Variants in MECOM observed in about 807,000 individuals in gnomAD.
The protein encoded by MECOM is histone-lysine N-methyltransferase MECOM.
A neutral mutation model predicts 116.3 loss-of-function variants in MECOM; 13 were observed. That is an observed-to-expected ratio of 0.11 (90% confidence interval 0.07 to 0.18). MECOM has a LOEUF of 0.18. Ranked by LOEUF, MECOM falls within the 10% of genes least tolerant of loss-of-function variation. MECOM has a pLI of 1.00. For synonymous variants in MECOM, 528 were observed against 535.2 expected, an observed-to-expected ratio of 0.99 and a Z score of 0.19; for missense variants, 1,299 against 1,509.0, an observed-to-expected ratio of 0.86 and a Z score of 2.31.
intron 2 of MECOM, among the ~76,000 whole-genome samples, chr3:169,351,074 A>G (rs932606138): frequency 6.6e-6 from 1 of 151,880 alleles, no homozygotes; most frequent in African/African-American, 2.4e-5. Context: ...ATTCCTGAAC[A>G]CCAGAATTAT....
intron 1 of MECOM, among the ~76,000 whole-genome samples, chr3:169,537,616 T>G (rs940921938): frequency 6.6e-6 from 1 of 152,038 alleles, no homozygotes; most frequent in East Asian, 1.9e-4. Context: ...TGGACAATTT[T>G]AACGGTCATC....
At chr3:169,101,208 G>A (rs1723445454) in intron 11 of MECOM, among the ~76,000 whole-genome samples, 2 of 152,292 alleles carry the variant, frequency 1.3e-5, no homozygotes, top group Admixed American at 6.5e-5. Context: ...TATGAAAATA[G>A]ACTTTAGTTT....
chr3:169,473,605 C>T (rs1030178710), intron 1 of MECOM, among the ~76,000 whole-genome samples: 1 of 151,964 alleles, frequency 6.6e-6, no homozygotes, highest in African/African-American at 2.4e-5. Flanking sequence ...CCTGTCTCTA[C>T]TAAAAATACA....
intron 5 of MECOM, among the ~76,000 whole-genome samples, chr3:169,126,057 T>G (rs931514235): frequency 1.3e-5 from 2 of 152,144 alleles, no homozygotes; most frequent in Non-Finnish European, 2.9e-5. Context: ...CATAGTGACA[T>G]GCTTTATCCA....
intron 14 of MECOM, among the ~76,000 whole-genome samples, chr3:169,092,511 G>A (rs973857614): frequency 5.3e-5 from 8 of 151,968 alleles, no homozygotes; most frequent in Admixed American, 2.6e-4. Flanking sequence ...AATTTATGAT[G>A]TATAATAGTA....
chr3:169,396,797 C>G (rs929763155), intron 1 of MECOM, among the ~76,000 whole-genome samples: 1 of 152,038 alleles, frequency 6.6e-6, no homozygotes, highest in African/African-American at 2.4e-5. Context: ...CTGGTGAAGA[C>G]TGTCACTACT....
intron 2 of MECOM, among the ~76,000 whole-genome samples, chr3:169,252,834 T>C (rs1756413904): frequency 6.6e-6 from 1 of 152,162 alleles, no homozygotes; most frequent in Non-Finnish European, 1.5e-5. Flanking sequence ...AAGCCAGATA[T>C]GGTTTGGGTT....
chr3:169,353,159 G>C (rs1726677368), intron 2 of MECOM, among the ~76,000 whole-genome samples: 1 of 151,838 alleles, frequency 6.6e-6, no homozygotes, highest in Admixed American at 6.6e-5. Context: ...CAAAGGATTT[G>C]GCTGTTTATA....
chr3:169,089,851 T>C (rs1461058516), intron 15 of MECOM, 149 bp downstream of exon 15: 2 of 1,237,484 alleles, frequency 1.6e-6, no homozygotes, highest in Admixed American at 6.4e-5. Flanking sequence ...CTTATTTTCA[T>C]CTATTTAAAT....
intron 15 of MECOM, among the ~76,000 whole-genome samples, chr3:169,089,712 A>T (rs975227579): frequency 2.0e-5 from 3 of 152,088 alleles, no homozygotes; most frequent in Admixed American, 2.0e-4. Context: ...TTTGAGTTTT[A>T]TAGGTAGAGT....
intron 2 of MECOM, among the ~76,000 whole-genome samples, chr3:169,374,908 AC>A (rs1348071237): frequency 6.6e-6 from 1 of 151,868 alleles, no homozygotes; most frequent in Non-Finnish European, 1.5e-5. Context: ...ATGGTGGTAC[AC>A]ATCTGTAGTC....
At chr3:169,597,322 C>A (rs916965662) in intron 1 of MECOM, among the ~76,000 whole-genome samples, 1 of 152,152 alleles carries the variant, frequency 6.6e-6, no homozygotes, top group Non-Finnish European at 1.5e-5. Flanking sequence ...CAAGTCTTTT[C>A]CTGAAAGTGC....
At chr3:169,581,625 T>C (rs1765132484) in intron 1 of MECOM, among the ~76,000 whole-genome samples, 1 of 152,178 alleles carries the variant, frequency 6.6e-6, no homozygotes, top group African/African-American at 2.4e-5. Flanking sequence ...ACTCTATTCA[T>C]TTTCTTGCCC....
At chr3:169,650,387 A>G (rs1774737761) in intron 1 of MECOM, among the ~76,000 whole-genome samples, 1 of 152,146 alleles carries the variant, frequency 6.6e-6, no homozygotes. Context: ...TCCCACACAA[A>G]CAAGGAAATC....
chr3:169,499,567 C>G (rs1233420747), intron 1 of MECOM, among the ~76,000 whole-genome samples: 1 of 151,556 alleles, frequency 6.6e-6, no homozygotes, highest in Non-Finnish European at 1.5e-5. Flanking sequence ...AAGCTAACTT[C>G]TCAGGAGCTA....
At chr3:169,088,889 T>C in intron 16 of MECOM, 111 bp downstream of exon 16, 1 of 1,015,336 alleles carries the variant, frequency 9.8e-7, no homozygotes, top group South Asian at 2.5e-5. Context: ...TCTGACCCCA[T>C]TTGGATTCTA....
intron 1 of MECOM, among the ~76,000 whole-genome samples, chr3:169,411,474 C>G (rs911846479): frequency 6.6e-6 from 1 of 152,164 alleles, no homozygotes; most frequent in African/African-American, 2.4e-5. Context: ...CAAGGATAGG[C>G]ACTGCACTGT....
chr3:169,398,907 G>A (rs1008975509), intron 1 of MECOM, among the ~76,000 whole-genome samples: 2 of 152,076 alleles, frequency 1.3e-5, no homozygotes, highest in African/African-American at 4.8e-5. Flanking sequence ...GCAGCATTGA[G>A]GATTTACACA....
intron 2 of MECOM, among the ~76,000 whole-genome samples, chr3:169,214,016 A>C (rs569512193): frequency 6.6e-6 from 1 of 152,314 alleles, no homozygotes; most frequent in South Asian, 2.1e-4. Flanking sequence ...GATTGAGAAC[A>C]AAGAATTAGC....
Sources: allele counts gnomAD v4.1 joint callset (sites outside exome capture counted in the v4.1 genomes callset), GRCh38; gene constraint gnomAD v4.1.1; transcripts MANE v1.5; gene names NCBI Gene and HGNC (gene_info 2026-07-23, HGNC 2026-07-21).